POLR2F: variants seen among roughly 807,000 people sequenced by gnomAD.
The protein encoded by POLR2F is DNA-directed RNA polymerases I, II, and III subunit RPABC2.
Under a neutral mutation model 22.7 loss-of-function variants are expected in POLR2F, and 12 were observed. That is an observed-to-expected ratio of 0.53 (90% CI 0.34 to 0.86). POLR2F has a LOEUF of 0.86. Among genes scored for constraint, POLR2F ranks in the 40% least tolerant of loss-of-function variants. The pLI is 0.02. For synonymous variants in POLR2F, 57 were observed against 66.0 expected (o/e 0.86, Z 0.66); for missense variants, 126 against 171.5 (o/e 0.73, Z 1.48).
intron 1 of POLR2F, among the ~76,000 whole-genome samples, chr22:38,003,213 C>T (rs1428180081): frequency 2.6e-5 from 4 of 151,908 alleles, no homozygotes; most frequent in Non-Finnish European, 5.9e-5. Context: ...CAGGCTTGGA[C>T]TTTATCCTAA....
chr22:37,998,858 G>C (rs2084742375), intron 1 of POLR2F, among the ~76,000 whole-genome samples: 1 of 151,976 alleles, frequency 6.6e-6, no homozygotes, highest in Non-Finnish European at 1.5e-5. Context: ...GAGGAGAGGA[G>C]AGGAGAGGTG....
chr22:37,977,594 A>G (rs995008484), intron 4 of POLR2F, among the ~76,000 whole-genome samples: 2 of 152,010 alleles, frequency 1.3e-5, no homozygotes, highest in African/African-American at 4.8e-5. Context: ...TGCTGGGATT[A>G]CAGGTGTGAG....
chr22:37,986,004 G>C, upstream of POLR2F: 5 of 1,215,282 alleles, frequency 4.1e-6, no homozygotes, highest in Non-Finnish European at 3.2e-6. This position sits in a 1 kb window ranked among gnomAD's most constrained non-coding sequence, Gnocchi z 4.7. Flanking sequence ...CACCCCCGGC[G>C]CTGCCAACCC....
chr22:38,029,463 C>T (rs75355793), downstream of POLR2F, among the ~76,000 whole-genome samples: 6 of 152,116 alleles, frequency 3.9e-5, no homozygotes, highest in African/African-American at 7.2e-5. Flanking sequence ...TAAGCACTAC[C>T]CTGTGCCATG....
intron 3 of POLR2F, among the ~76,000 whole-genome samples, chr22:37,961,078 T>C (rs1197511688): frequency 6.6e-6 from 1 of 151,898 alleles, no homozygotes; most frequent in Non-Finnish European, 1.5e-5. Flanking sequence ...CTCCATCTCC[T>C]GACCTTGTGA....
At chr22:38,035,438 G>T (rs1487034201) in intron 5 of POLR2F, among the ~76,000 whole-genome samples, 4 of 152,356 alleles carry the variant, frequency 2.6e-5, no homozygotes, top group Non-Finnish European at 2.9e-5. Flanking sequence ...AGTGGGGCAA[G>T]TGGGAATCAG....
intron 5 of POLR2F, among the ~76,000 whole-genome samples, chr22:38,034,801 G>T (rs1306125080): frequency 1.3e-5 from 2 of 152,206 alleles, no homozygotes; most frequent in African/African-American, 2.4e-5. Flanking sequence ...CACTGGAGGT[G>T]GGGGCAGGGC....
exon 3 of POLR2F, chr22:38,026,535 C>T: frequency 5.9e-6 from 2 of 340,340 alleles, no homozygotes; most frequent in South Asian, 4.5e-5. Flanking sequence ...CGGGATGGCC[C>T]CTCTTTCCCC....
Position 37,959,354 on chromosome 22 carries a change from G to A in POLR2F, c.99G>A (p.Gln33=). The A allele has an allele frequency of 6.2e-7, 1 of 1,614,042 alleles. No individual in the cohort carries two copies. The highest frequency in any genetic ancestry group is 1.7e-5 in the Admixed American group (1 of 59,990). ...DDLENAEEEG[Q]ENVEILPSGE... ...TTTGTCTTGGTGTCCAGGAAGGCCA[G>A]GAGAATGTCGAGATCCTCCCCTCTG... The change falls in exon 3 of 5, where the codon CAG becomes CAA. Residue 33 remains glutamine, a synonymous_variant. Coordinates refer to ENST00000442738, the MANE Select transcript of POLR2F (RefSeq NM_021974.5).
chr22:37,993,993 G>A (rs556515327), intron 1 of POLR2F, among the ~76,000 whole-genome samples: 1 of 152,238 alleles, frequency 6.6e-6, no homozygotes, highest in African/African-American at 2.4e-5. Context: ...CGTCTCAAAA[G>A]AAGTAAGGAA....
At chr22:38,033,989 A>G (rs1187899305) in intron 5 of POLR2F, among the ~76,000 whole-genome samples, 1 of 152,148 alleles carries the variant, frequency 6.6e-6, no homozygotes, top group Non-Finnish European at 1.5e-5. Flanking sequence ...GCTGACCCCT[A>G]TTCCCTGCAC....
At chr22:37,986,116 G>A (rs971127890), upstream of POLR2F, 2 of 1,478,916 alleles carry the variant, frequency 1.4e-6, no homozygotes, top group Middle Eastern at 2.1e-4. The surrounding 1 kb of genome is among the most constrained non-coding windows in gnomAD (Gnocchi z 4.7). Flanking sequence ...CGGCAATCAT[G>A]TGATTAACAC....
At chr22:38,013,944 G>C (rs901763920) in intron 1 of POLR2F, among the ~76,000 whole-genome samples, 3 of 151,910 alleles carry the variant, frequency 2.0e-5, no homozygotes, top group Admixed American at 6.5e-5. Flanking sequence ...CCAACATGGA[G>C]AAACCCCGTC....
chr22:37,995,328 T>G (rs1317936698), intron 1 of POLR2F, among the ~76,000 whole-genome samples: 2 of 152,192 alleles, frequency 1.3e-5, no homozygotes, highest in Non-Finnish European at 2.9e-5. Flanking sequence ...ATCAGAGAGA[T>G]AGCTTGGCAG....
At chr22:37,987,065 C>A (rs544708239) in intron 1 of POLR2F, 2 of 456,732 alleles carry the variant, frequency 4.4e-6, no homozygotes, top group East Asian at 6.9e-5. Flanking sequence ...ACCCCACCCC[C>A]CATCACCTCT....
chr22:38,029,370 G>T (rs1229780266), downstream of POLR2F, among the ~76,000 whole-genome samples: 2 of 152,206 alleles, frequency 1.3e-5, no homozygotes, highest in East Asian at 1.9e-4. Flanking sequence ...TCCTAAGCTT[G>T]TTGGGCACCA....
At chr22:37,960,093 C>T (rs1315775108) in intron 3 of POLR2F, among the ~76,000 whole-genome samples, 3 of 152,226 alleles carry the variant, frequency 2.0e-5, no homozygotes, top group East Asian at 1.9e-4. Context: ...TGAGAGCCAC[C>T]GCGCCCGGCC....
chr22:38,025,789 C>T (rs2085003419), intron 1 of POLR2F: 1 of 1,549,254 alleles, frequency 6.5e-7, no homozygotes, highest in African/African-American at 1.4e-5. Context: ...CAATCTGCAC[C>T]CTCTTTTGGG....
At chr22:38,021,856 G>A (rs761686634) in intron 1 of POLR2F, among the ~76,000 whole-genome samples, 9 of 151,434 alleles carry the variant, frequency 5.9e-5, no homozygotes, top group Non-Finnish European at 1.3e-4. Flanking sequence ...TTGGGGCCGG[G>A]CGCAGTAGCT....
Sources: allele counts gnomAD v4.1 joint callset (sites outside exome capture counted in the v4.1 genomes callset), GRCh38; gene constraint gnomAD v4.1.1; non-coding constraint Gnocchi (gnomAD v3.1); transcripts MANE v1.5; gene names NCBI Gene and HGNC (gene_info 2026-07-23, HGNC 2026-07-21).